The following TMEM184B variants were observed in gnomAD, a reference collection of about 807,000 sequenced individuals.
TMEM184B encodes the protein putative MAPK-activating protein FM08.
In TMEM184B, 17 loss-of-function variants were observed where a neutral mutation model predicts 41.8. The observed-to-expected ratio is 0.41, with a 90% CI of 0.28 to 0.61. The LOEUF is 0.61. Ranked by LOEUF, TMEM184B falls within the 20% of genes least tolerant of loss-of-function variation. The probability of loss-of-function intolerance (pLI) is 0.34; values close to 1 mark genes in which losing one functional copy is unlikely to be tolerated. For missense variants in TMEM184B, 393 were observed against 557.8 expected, an observed-to-expected ratio of 0.70 and a Z score of 2.98; for synonymous variants, 240 against 229.5, an observed-to-expected ratio of 1.05 and a Z score of -0.41.
intron 3 of TMEM184B, among the ~76,000 whole-genome samples, chr22:38,238,900 T>C (rs1036113993): frequency 1.4e-4 from 21 of 152,180 alleles, no homozygotes; most frequent in African/African-American, 4.8e-4. Context: ...ATGGGGATAA[T>C]ATATATACTC....
chr22:38,252,415 G>A (rs772797951), intron 1 of TMEM184B, among the ~76,000 whole-genome samples: 11 of 152,208 alleles, frequency 7.2e-5, no homozygotes, highest in Non-Finnish European at 1.3e-4. Context: ...ACATGACAGA[G>A]GGCCCTGATG....
intron 1 of TMEM184B, chr22:38,272,432 G>GC (rs994997928): frequency 1.6e-4 from 159 of 978,312 alleles, no homozygotes; most frequent in Non-Finnish European, 1.8e-4. Context: ...AGCCCCGAAA[G>GC]CCCCCCGCCG....
intron 3 of TMEM184B, chr22:38,232,199 C>G (rs879055318): frequency 3.3e-5 from 5 of 152,484 alleles, no homozygotes; most frequent in African/African-American, 1.2e-4. Context: ...ACAAAGCACA[C>G]GGCAGCACAC....
intron 1 of TMEM184B, among the ~76,000 whole-genome samples, chr22:38,268,098 G>A (rs1016652660): frequency 1.3e-5 from 2 of 152,116 alleles, no homozygotes; most frequent in South Asian, 2.1e-4. Context: ...GAATGCTGGC[G>A]GAGGCCGGGC....
At chr22:38,256,797 C>T (rs985723994) in intron 1 of TMEM184B, among the ~76,000 whole-genome samples, 1 of 152,094 alleles carries the variant, frequency 6.6e-6, no homozygotes, top group Non-Finnish European at 1.5e-5. Context: ...TTAAATACTT[C>T]GGTGTGCATC....
At chr22:38,255,455 A>G (rs1489554668) in intron 1 of TMEM184B, among the ~76,000 whole-genome samples, 1 of 152,220 alleles carries the variant, frequency 6.6e-6, no homozygotes, top group East Asian at 1.9e-4. Flanking sequence ...TACAGGCGTG[A>G]GCCACCATGC....
chr22:38,220,363 C>T lies in TMEM184B; in HGVS notation c.*1106G>A, dbSNP rs1008535433. 3 of 986,080 alleles carry T rather than the reference C, an allele frequency of 3.0e-6. No homozygotes were observed. Among genetic ancestry groups the T allele is most frequent in the African/African-American group, 1.7e-5 (1 of 57,302 alleles). 61.1% of individuals were successfully genotyped at this position (986,080 alleles called of 1,614,324 possible). Reference sequence around the variant, plus strand: ...GGACAGATGGGGAGCCAGGGAGGGGCGCTTTCATATGTGACTAAGGCACAG... The same window carrying T: ...GGACAGATGGGGAGCCAGGGAGGGGTGCTTTCATATGTGACTAAGGCACAG... On this transcript the variant is annotated 3_prime_UTR_variant, in exon 9 of 9. Transcript: ENST00000361906.
chr22:38,272,862 C>A (rs1169008314), intron 1 of TMEM184B, 22 bp downstream of exon 1: 46 of 954,038 alleles, frequency 4.8e-5, no homozygotes, highest in Admixed American at 6.2e-5. Context: ...GGCTCCCGGG[C>A]GAGGCCGGCC....
chr22:38,253,133 C>T (rs981114585), intron 1 of TMEM184B, among the ~76,000 whole-genome samples: 12 of 152,084 alleles, frequency 7.9e-5, no homozygotes, highest in Admixed American at 3.3e-4. Context: ...CAGAGCCAGA[C>T]GCAGTCTCAA....
chr22:38,246,210 C>T (rs2145689056), intron 2 of TMEM184B, 110 bp from the exon 3 acceptor site: 1 of 1,351,170 alleles, frequency 7.4e-7, no homozygotes, highest in East Asian at 2.4e-5. Context: ...ATGCACGTGA[C>T]CTACCCCTGA....
At chr22:38,232,119 G>A (rs2091645059) in intron 3 of TMEM184B, 1 of 155,938 alleles carries the variant, frequency 6.4e-6, no homozygotes, top group Non-Finnish European at 1.4e-5. Context: ...GCAGGAGTGA[G>A]AGGGAAGAAC....
At position 38,272,410 on chromosome 22, in the gene TMEM184B, C is replaced by T. The variant is rs961479226; in HGVS notation, c.-59+474G>A. The T allele has an allele frequency of 6.5e-6, 6 of 922,732 alleles. No homozygotes were observed. The South Asian group carries it at 2.0e-4, about 31-fold the overall frequency. 57.2% of individuals were successfully genotyped at this position (922,732 alleles called of 1,614,324 possible). Reference sequence around the variant, plus strand: ...CTGTGTGGCGGGCGTGTACACCCTCCACTCACGACGCAGCCCCGAAAGCCC... The same window carrying T: ...CTGTGTGGCGGGCGTGTACACCCTCTACTCACGACGCAGCCCCGAAAGCCC... On this transcript the variant is annotated intron_variant, in intron 1 of 8. Coordinates refer to ENST00000361906, the MANE Select transcript of TMEM184B (RefSeq NM_012264.5).
Position 38,225,695 on chromosome 22 carries a change from C to G in TMEM184B, c.618-102G>C. ...GTCCCCATGGCTCTCAGCCCCACAC[C>G]TCCAGCAGAGCTCAACGAGCCACTG... On this transcript the variant is annotated intron_variant, in intron 6 of 8. Transcript: ENST00000361906. This position sits in a 1 kb window ranked among gnomAD's most constrained non-coding sequence, Gnocchi z 4.4. The G allele has an allele frequency of 7.7e-7, 1 of 1,306,060 alleles. No individual in the cohort carries two copies. The highest frequency in any genetic ancestry group is 1.6e-5 in the South Asian group (1 of 63,006). 80.9% of individuals were successfully genotyped at this position (1,306,060 alleles called of 1,614,324 possible). A position where few individuals can be genotyped will look rare whatever the true frequency, so the allele number is the denominator to read the frequency against.
chr22:38,249,900 G>C (rs1351145807), intron 1 of TMEM184B, among the ~76,000 whole-genome samples: 2 of 152,212 alleles, frequency 1.3e-5, no homozygotes, highest in African/African-American at 2.4e-5. Flanking sequence ...TGCAACCAGA[G>C]AAACACCCGA....
chr22:38,224,763 C>T (rs1184877866), intron 8 of TMEM184B, 22 bp downstream of exon 8: 17 of 1,548,752 alleles, frequency 1.1e-5, no homozygotes, highest in African/African-American at 1.4e-5. Context: ...CAGCGGGGGT[C>T]GCCTAGGACC....
chr22:38,243,036 T>C (rs975172670), intron 3 of TMEM184B, among the ~76,000 whole-genome samples: 8 of 116,632 alleles, frequency 6.9e-5, no homozygotes, highest in African/African-American at 2.9e-4. Flanking sequence ...CACTCCAGCC[T>C]GGCAACGGTC....
intron 3 of TMEM184B, among the ~76,000 whole-genome samples, chr22:38,245,255 C>T (rs558853859): frequency 6.6e-6 from 1 of 152,314 alleles, no homozygotes; most frequent in African/African-American, 2.4e-5. Context: ...TTGCTGCCCC[C>T]ACCCTGCCTG....
chr22:38,252,990 A>G (rs1313630263), intron 1 of TMEM184B, among the ~76,000 whole-genome samples: 1 of 151,954 alleles, frequency 6.6e-6, no homozygotes, highest in Admixed American at 6.6e-5. Flanking sequence ...AAAATACAAA[A>G]AATTAGCCGG....
intron 1 of TMEM184B, among the ~76,000 whole-genome samples, chr22:38,249,762 C>G (rs369144602): frequency 1.2e-4 from 18 of 152,324 alleles, no homozygotes; most frequent in Admixed American, 7.2e-4. Context: ...AAGGCAGGAG[C>G]CTGGCTGCAC....
Sources: gnomAD v4.1 joint callset for allele counts (sites outside exome capture counted in the v4.1 genomes callset) on GRCh38, gnomAD v4.1.1 for gene constraint, Gnocchi (gnomAD v3.1) non-coding constraint, MANE v1.5 for transcripts, NCBI Gene and HGNC (gene_info 2026-07-23, HGNC 2026-07-21) for gene names.